Variants in TPP2 observed in about 807,000 individuals in gnomAD.
TPP2 encodes the protein tripeptidyl-peptidase 2.
A neutral mutation model predicts 155.9 loss-of-function variants in TPP2; 34 were observed. That is an observed-to-expected ratio of 0.22 (90% CI 0.17 to 0.29). TPP2 has a LOEUF of 0.29. Ranked by LOEUF, TPP2 falls within the 10% of genes least tolerant of loss-of-function variation. The pLI is 1.00. For synonymous variants in TPP2, 510 were observed against 529.4 expected (o/e 0.96, Z 0.50); for missense variants, 1,028 against 1,522.3 (o/e 0.68, Z 5.40).
chr13:102,675,034 T>C (rs1257288274), intron 28 of TPP2, among the ~76,000 whole-genome samples: 1 of 152,242 alleles, frequency 6.6e-6, no homozygotes, highest in Non-Finnish European at 1.5e-5. Context: ...TTTAGCTCTC[T>C]ACTATAATTC....
intron 2 of TPP2, among the ~76,000 whole-genome samples, chr13:102,610,522 G>C (rs573960891): frequency 3.9e-5 from 6 of 152,104 alleles, no homozygotes; most frequent in Admixed American, 3.9e-4. Flanking sequence ...CAGCCACCGC[G>C]CCCAGCTGTC....
intron 21 of TPP2, 35 bp from the exon 22 acceptor site, chr13:102,648,872 C>A: frequency 1.9e-6 from 3 of 1,556,050 alleles, no homozygotes; most frequent in Non-Finnish European, 2.6e-6. Context: ...CTTGGTTAAA[C>A]TTAACTTTTC....
intron 3 of TPP2, among the ~76,000 whole-genome samples, 190 bp downstream of exon 3, chr13:102,614,386 G>T (rs1316637753): frequency 6.6e-6 from 1 of 152,178 alleles, no homozygotes; most frequent in Non-Finnish European, 1.5e-5. Context: ...GTAAACTTGT[G>T]ATTCTTGATC....
chr13:102,600,292 A>G (rs776161998), intron 1 of TPP2, among the ~76,000 whole-genome samples: 10 of 152,092 alleles, frequency 6.6e-5, no homozygotes, highest in Admixed American at 2.0e-4. Context: ...TCAGGCTTCT[A>G]CCATCCGTCA....
chr13:102,644,982 C>A lies in TPP2; in HGVS notation c.2366C>A (p.Thr789Asn). Residue 789 changes from threonine (T) to asparagine (N), a missense_variant, in exon 19 of 30, where the codon ACT becomes AAT. Physicochemically the swap from Thr to Asn is moderately conservative, Grantham distance 65. Transcript: ENST00000376052. ...LKYEDLAPCI[T>N]LKNWVQTLRP... Reference sequence around the variant, plus strand: ...TACGAAGATCTGGCTCCCTGCATAACTTTGAAGAACTGGGTCCAAACACTG... The same window carrying A: ...TACGAAGATCTGGCTCCCTGCATAAATTTGAAGAACTGGGTCCAAACACTG... The A allele has an allele frequency of 6.2e-7, 1 of 1,613,950 alleles. No individual in the cohort carries two copies.
rs1396290085 is a variant in TPP2, at chr13:102,636,404, G to T, written c.1678+12G>T. 1.2e-6 allele frequency: 2 copies of T among 1,604,792 alleles called. No individual in the cohort carries two copies. The highest frequency in any genetic ancestry group is 1.7e-5 in the Admixed American group (1 of 57,374). On this transcript the variant is annotated intron_variant, in intron 13 of 29. Transcript: ENST00000376052. ...TCCGGAGAACACAGGTCAGTAATAG[G>T]CTGGCAGTAAGCTGACGTATTCACA... is the stretch of plus-strand genomic sequence containing the variant.
intron 25 of TPP2, among the ~76,000 whole-genome samples, chr13:102,659,148 C>T (rs554498627): frequency 5.9e-5 from 9 of 152,142 alleles, no homozygotes; most frequent in East Asian, 1.9e-4. Flanking sequence ...TGGAGAAGTC[C>T]GTGTGCCTTA....
chr13:102,634,036 T>C lies in TPP2; in HGVS notation c.1331T>C (p.Leu444Pro). 1 of 1,614,130 alleles carries C rather than the reference T, an allele frequency of 6.2e-7. No individual in the cohort carries two copies. Among genetic ancestry groups the C allele is most frequent in the Non-Finnish European group, 8.5e-7 (1 of 1,179,982 alleles). ...AACTGGACACTGAGAGGGACGCAGCTGATGAATGGAACATCTATGTCTTCC... is the reference window on the plus strand; with the variant it reads ...AACTGGACACTGAGAGGGACGCAGCCGATGAATGGAACATCTATGTCTTCC... ...VPNWTLRGTQ[L>P]MNGTSMSSPN... Residue 444 changes from leucine to proline, a missense_variant, in exon 11 of 30, where the codon CTG becomes CCG. Physicochemically the swap from Leu to Pro is moderately conservative, Grantham distance 98 (BLOSUM62 -3). Coordinates refer to ENST00000376052, the MANE Select transcript of TPP2 (RefSeq NM_001330588.2).
intron 6 of TPP2, among the ~76,000 whole-genome samples, chr13:102,623,384 A>G (rs1012045301): frequency 6.6e-6 from 1 of 152,142 alleles, no homozygotes. Flanking sequence ...ACCAACATGG[A>G]GAAACCCCAT....
chr13:102,610,002 CTCCA>C (rs1880157265), intron 2 of TPP2, among the ~76,000 whole-genome samples: 1 of 152,166 alleles, frequency 6.6e-6, no homozygotes, highest in Non-Finnish European at 1.5e-5. Context: ...GAACTCTCTT[CTCCA>C]TCCATCCATA....
rs547536978 is a variant in TPP2, at chr13:102,599,941, T to G, written c.165+2738T>G. On this transcript the variant is annotated intron_variant, in intron 1 of 29. Coordinates refer to ENST00000376052, the MANE Select transcript of TPP2 (RefSeq NM_001330588.2). The stretch of plus-strand genomic sequence containing the variant: ...CAGGAGGTCTCCCTTCCACCAGTCT[T>G]GTTTCTCTTTGATCCATCCTTCACA... Among the ~76,000 whole-genome samples the G allele has an allele frequency of 2.0e-5, 3 of 152,032 alleles. No individual in the cohort carries two copies. The South Asian group carries it at 6.2e-4, about 32-fold the overall frequency.
At chr13:102,622,801 G>GGA (rs1309212369) in intron 5 of TPP2, 76 bp from the exon 6 acceptor site, 2 of 1,442,320 alleles carry the variant, frequency 1.4e-6, no homozygotes, top group African/African-American at 2.8e-5. Context: ...GTAAAATAGT[G>GGA]GAGAGACTAT....
chr13:102,649,766 T>TTCCTGTGAAACA (rs527719236), intron 23 of TPP2, among the ~76,000 whole-genome samples: 18 of 152,270 alleles, frequency 1.2e-4, no homozygotes, highest in African/African-American at 4.3e-4. Flanking sequence ...ACACTTGAAC[T>TTCCTGTGAAACA]TCCTGTGAAA....
At chr13:102,640,200 C>A in intron 15 of TPP2, 70 bp from the exon 16 acceptor site, 1 of 1,161,402 alleles carries the variant, frequency 8.6e-7, no homozygotes, top group Admixed American at 2.5e-5. Flanking sequence ...TTGCGTTTAT[C>A]CAATGAAATC....
intron 19 of TPP2, 109 bp from the exon 20 acceptor site, chr13:102,646,185 G>C (rs1406447253): frequency 4.2e-6 from 3 of 713,000 alleles, no homozygotes; most frequent in Non-Finnish European, 6.8e-6. Flanking sequence ...TCTCAGGAAG[G>C]TTCATCTGCA....
chr13:102,615,041 T>C, intron 3 of TPP2, among the ~76,000 whole-genome samples: 1 of 152,172 alleles, frequency 6.6e-6, no homozygotes, highest in East Asian at 1.9e-4. Context: ...GGAAGTGAGC[T>C]TGATGGATAA....
intron 10 of TPP2, among the ~76,000 whole-genome samples, chr13:102,633,690 C>CA (rs1331029653): frequency 6.6e-6 from 1 of 152,178 alleles, no homozygotes. Context: ...TGTGGCCTGT[C>CA]ACACATGCCC....
intron 16 of TPP2, among the ~76,000 whole-genome samples, chr13:102,640,886 G>A (rs1222959819): frequency 5.3e-5 from 8 of 151,930 alleles, no homozygotes; most frequent in African/African-American, 1.9e-4. Context: ...TCTTGACCTC[G>A]TGATACACTC....
chr13:102,606,939 G>T (rs1879879253), intron 2 of TPP2, among the ~76,000 whole-genome samples: 1 of 152,168 alleles, frequency 6.6e-6, no homozygotes, highest in Non-Finnish European at 1.5e-5. Flanking sequence ...TTGGGCCTTT[G>T]GGAGGTATTT....
Sources: allele counts gnomAD v4.1 joint callset (sites outside exome capture counted in the v4.1 genomes callset), GRCh38; gene constraint gnomAD v4.1.1; transcripts MANE v1.5; gene names NCBI Gene and HGNC (gene_info 2026-07-23, HGNC 2026-07-21).